Variants in NR2C2 observed in about 807,000 individuals in gnomAD.
NR2C2 encodes the protein nuclear receptor subfamily 2 group C member 2.
NR2C2 carries 6 observed loss-of-function variants against 62.9 expected under a neutral mutation model. That is an observed-to-expected ratio of 0.10 (90% CI 0.05 to 0.19). The LOEUF (loss-of-function observed/expected upper bound fraction) is 0.19. Among genes scored for constraint, NR2C2 ranks in the 10% least tolerant of loss-of-function variants. The probability of loss-of-function intolerance (pLI) is 1.00; values close to 1 mark genes in which losing one functional copy is unlikely to be tolerated. For missense variants in NR2C2, 479 were observed against 762.7 expected (o/e 0.63, Z 4.38); for synonymous variants, 272 against 273.8 (o/e 0.99, Z 0.07).
chr3:14,978,046 G>T (rs1194794354), intron 1 of NR2C2, among the ~76,000 whole-genome samples: 2 of 150,416 alleles, frequency 1.3e-5, no homozygotes, highest in African/African-American at 2.4e-5. Context: ...GGTGACACAA[G>T]AAATAAAAAT....
chr3:14,992,315 T>C (rs889960986), intron 1 of NR2C2, among the ~76,000 whole-genome samples: 2 of 151,948 alleles, frequency 1.3e-5, no homozygotes, highest in African/African-American at 4.8e-5. Flanking sequence ...TGGAAGCCAG[T>C]ACTCCTTGGT....
chr3:15,020,907 C>T lies in NR2C2; in HGVS notation c.531C>T (p.Cys177=). 6.2e-7 allele frequency: 1 copy of T among 1,613,938 alleles called. No individual in the cohort carries two copies. The highest frequency in any genetic ancestry group is 8.5e-7 in the Non-Finnish European group (1 of 1,179,954). ...GTCAGTTTTGCCGGCTGAAAAAATG[C>T]TTAGAGATGGGCATGAAAATGGAAT... is the stretch of plus-strand genomic sequence containing the variant. ...NRCQFCRLKK[C]LEMGMKMESV... Residue 177 remains cysteine (C), a synonymous_variant, in exon 5 of 14, where the codon TGC becomes TGT. Coordinates refer to ENST00000425241, the MANE Select transcript of NR2C2 (RefSeq NM_001291694.2).
chr3:15,002,958 C>G (rs1055302138), intron 1 of NR2C2, among the ~76,000 whole-genome samples: 8 of 147,942 alleles, frequency 5.4e-5, no homozygotes, highest in African/African-American at 1.7e-4. Context: ...GCCGCCGACC[C>G]ACAATACACT....
intron 3 of NR2C2, among the ~76,000 whole-genome samples, chr3:15,014,884 C>T (rs926047222): frequency 1.3e-5 from 2 of 152,162 alleles, no homozygotes; most frequent in African/African-American, 4.8e-5. Context: ...AGGTTGCTTC[C>T]ACCTTTTGGC....
At chr3:14,986,528 T>C (rs1021719297) in intron 1 of NR2C2, among the ~76,000 whole-genome samples, 13 of 152,148 alleles carry the variant, frequency 8.5e-5, no homozygotes, top group African/African-American at 3.1e-4. Flanking sequence ...ATCCATACCT[T>C]ATGTGGAAGT....
intron 1 of NR2C2, among the ~76,000 whole-genome samples, chr3:14,964,571 G>A (rs938953681): frequency 3.3e-5 from 5 of 151,964 alleles, no homozygotes; most frequent in Non-Finnish European, 5.9e-5. Flanking sequence ...CTATTGTGCA[G>A]TGGTGCGATC....
chr3:15,003,833 C>A, intron 1 of NR2C2, 43 bp from the exon 2 acceptor site: 1 of 1,351,008 alleles, frequency 7.4e-7, no homozygotes, highest in Non-Finnish European at 1.1e-6. Flanking sequence ...CTCTGGGCAT[C>A]ATTCTGAACC....
At chr3:14,995,419 C>T (rs1278947337) in intron 1 of NR2C2, among the ~76,000 whole-genome samples, 2 of 151,222 alleles carry the variant, frequency 1.3e-5, no homozygotes, top group African/African-American at 2.4e-5. Flanking sequence ...CTGGACATTT[C>T]ATATAAATTG....
At chr3:15,013,050 G>C (rs1376601222) in intron 2 of NR2C2, among the ~76,000 whole-genome samples, 2 of 152,194 alleles carry the variant, frequency 1.3e-5, no homozygotes, top group East Asian at 3.9e-4. Context: ...TATCCTTAAA[G>C]ACCTCAGAGT....
At chr3:15,008,232 A>T (rs56395906) in intron 2 of NR2C2, among the ~76,000 whole-genome samples, 12,095 of 148,220 alleles carry the variant, frequency 0.082, 653 homozygotes, top group Middle Eastern at 0.13. Flanking sequence ...TTTTTTTTTT[A>T]AATTAGGGGG....
At chr3:15,041,107 C>T (rs1326390832) in intron 13 of NR2C2, among the ~76,000 whole-genome samples, 1 of 152,192 alleles carries the variant, frequency 6.6e-6, no homozygotes, top group Non-Finnish European at 1.5e-5. Context: ...ATAAGGGAGG[C>T]TTTCTTATAG....
At chr3:14,989,299 A>G (rs1328237560) in intron 1 of NR2C2, among the ~76,000 whole-genome samples, 2 of 152,170 alleles carry the variant, frequency 1.3e-5, no homozygotes, top group Non-Finnish European at 2.9e-5. Flanking sequence ...TGCTCTGACT[A>G]CATTTGCGTA....
intron 13 of NR2C2, among the ~76,000 whole-genome samples, chr3:15,041,550 T>C (rs2042266114): frequency 6.6e-6 from 1 of 152,148 alleles, no homozygotes; most frequent in Admixed American, 6.5e-5. Flanking sequence ...AAAAGAAAAC[T>C]TTTTAAAAAG....
chr3:15,001,697 A>G (rs1213775410), intron 1 of NR2C2, among the ~76,000 whole-genome samples: 1 of 152,066 alleles, frequency 6.6e-6, no homozygotes, highest in Non-Finnish European at 1.5e-5. Flanking sequence ...GCTCACTGCA[A>G]CCTAGAACAA....
At chr3:14,965,522 CAAAAAAAAAAAA>C (rs545143806) in intron 1 of NR2C2, among the ~76,000 whole-genome samples, 18 of 79,682 alleles carry the variant, frequency 2.3e-4, no homozygotes, top group African/African-American at 3.9e-4. Flanking sequence ...TTTCCCATGG[CAAAAAAAAAAAA>C]AAAAAAAAAA....
intron 1 of NR2C2, among the ~76,000 whole-genome samples, chr3:14,958,263 A>C (rs1394059457): frequency 6.6e-6 from 1 of 152,168 alleles, no homozygotes; most frequent in Non-Finnish European, 1.5e-5. Context: ...CCTAGTTCAT[A>C]GCAGTTACTT....
chr3:14,949,968 C>G (rs1391502562), intron 1 of NR2C2, among the ~76,000 whole-genome samples: 1 of 152,250 alleles, frequency 6.6e-6, no homozygotes, highest in East Asian at 1.9e-4. Flanking sequence ...TGTAAGCTAC[C>G]TTTCCTAGCC....
intron 9 of NR2C2, among the ~76,000 whole-genome samples, chr3:15,031,999 G>C (rs969902462): frequency 1.3e-5 from 2 of 152,152 alleles, no homozygotes; most frequent in African/African-American, 4.8e-5. Context: ...AAAGTGCTGG[G>C]ATTACAGGCA....
chr3:15,023,961 G>GGGGTTCTGCTTAGTCACTAAGC (rs1559299748), intron 6 of NR2C2, among the ~76,000 whole-genome samples, 154 bp from the exon 7 acceptor site: 1 of 152,176 alleles, frequency 6.6e-6, no homozygotes, highest in African/African-American at 2.4e-5. Context: ...GACAGGGGTG[G>GGGGTTCTGCTTAGTCACTAAGC]GGGTTCTGCT....
Sources: gnomAD v4.1 joint callset for allele counts (sites outside exome capture counted in the v4.1 genomes callset) on GRCh38, gnomAD v4.1.1 for gene constraint, MANE v1.5 for transcripts, NCBI Gene and HGNC (gene_info 2026-07-23, HGNC 2026-07-21) for gene names.